FOXK1: variants seen among roughly 807,000 people sequenced by gnomAD.
FOXK1 encodes the protein forkhead box protein K1.
FOXK1 carries 19 observed loss-of-function variants against 51.9 expected under a neutral mutation model. That is an observed-to-expected ratio of 0.37 (90% CI 0.26 to 0.54). The LOEUF (loss-of-function observed/expected upper bound fraction) is 0.54. Among genes scored for constraint, FOXK1 ranks in the 20% least tolerant of loss-of-function variants. FOXK1 has a pLI of 0.87. For synonymous variants in FOXK1, 537 were observed against 482.6 expected, an observed-to-expected ratio of 1.11 and a Z score of -1.48; for missense variants, 870 against 1,032.7, an observed-to-expected ratio of 0.84 and a Z score of 2.16.
chr7:4,754,446 T>C lies in FOXK1; in HGVS notation c.747-13T>C, dbSNP rs771297993. 5 of 1,611,702 alleles carry C rather than the reference T, an allele frequency of 3.1e-6. No homozygotes were observed. Among genetic ancestry groups the C allele is most frequent in the Non-Finnish European group, 2.5e-6 (3 of 1,179,534 alleles). ...CAGAGCCATGAACTTACAGTGTCCT[T>C]CTCTCTCCTCAGTGTCCCCAACTCC... On this transcript the variant is annotated splice_polypyrimidine_tract_variant and intron_variant, in intron 2 of 8. Coordinates refer to ENST00000328914, the MANE Select transcript of FOXK1 (RefSeq NM_001037165.2).
At chr7:4,746,851 G>T (rs895366198) in intron 2 of FOXK1, among the ~76,000 whole-genome samples, 4 of 152,190 alleles carry the variant, frequency 2.6e-5, no homozygotes, top group Non-Finnish European at 5.9e-5. Context: ...TCCAGTGAGG[G>T]TCCCTCTTCC....
In FOXK1 at chr7:4,754,847, G is replaced by A. The variant is rs576844368; in HGVS notation, c.903+232G>A. The A allele has an allele frequency of 8.1e-6, 5 of 621,046 alleles. No individual in the cohort carries two copies. The African/African-American group carries it at 9.2e-5, about 11-fold the overall frequency. The allele number at this position is 621,046 out of a possible 1,614,324, so 38.5% of individuals were successfully genotyped here. A position where few individuals can be genotyped will look rare whatever the true frequency, so the allele number is the denominator to read the frequency against. On this transcript the variant is annotated intron_variant, in intron 3 of 8. Transcript: ENST00000328914. ...TGACAGGGGTGGCGCCGTCACCGAG[G>A]GCCCCTCCCGCCACGCTCCTTGTTC...
At position 4,757,366 on chromosome 7, in the gene FOXK1, G is replaced by A. The variant is rs1212103743; in HGVS notation, c.1244+179G>A. Among the ~76,000 whole-genome samples the A allele has an allele frequency of 3.3e-5, 5 of 151,890 alleles. No homozygotes were observed. The South Asian group carries it at 6.2e-4, about 19-fold the overall frequency. ...AAAGAAGGCCGGCGCGGTGGCTCAC[G>A]CCTGTAATCCCAGCACTCTGGGAGG... On this transcript the variant is annotated intron_variant, in intron 5 of 8. Coordinates refer to ENST00000328914, the MANE Select transcript of FOXK1 (RefSeq NM_001037165.2).
At chr7:4,726,851 G>A (rs890948441) in intron 1 of FOXK1, among the ~76,000 whole-genome samples, 1 of 152,240 alleles carries the variant, frequency 6.6e-6, no homozygotes, top group Admixed American at 6.5e-5. Flanking sequence ...GTTCAGAGAA[G>A]TGGGATATTT....
chr7:4,757,060 C>A lies in FOXK1; in HGVS notation c.1117C>A (p.Pro373Thr), dbSNP rs1193873636. The change falls in exon 5 of 9, where the codon CCT (proline) becomes ACT (threonine). Residue 373 changes from proline (P) to threonine (T), a missense_variant. Physicochemically the swap from Pro to Thr is conservative, Grantham distance 38. Coordinates refer to ENST00000328914, the MANE Select transcript of FOXK1 (RefSeq NM_001037165.2). The part of the protein sequence containing the change: ...FIKVPRSQEE[P>T]GKGSFWRIDP... ...CAAAGTCCCACGTTCCCAGGAGGAG[C>A]CTGGGAAGGGGTCCTTTTGGCGAAT... The A allele has an allele frequency of 1.2e-6, 2 of 1,613,752 alleles. No homozygotes were observed. Among genetic ancestry groups the A allele is most frequent in the African/African-American group, 2.7e-5 (2 of 74,898 alleles).
intron 1 of FOXK1, among the ~76,000 whole-genome samples, chr7:4,704,628 G>A (rs991138585): frequency 6.6e-6 from 1 of 152,110 alleles, no homozygotes; most frequent in African/African-American, 2.4e-5. Flanking sequence ...GCACGCAGCA[G>A]GAGGGATTGC....
chr7:4,720,490 T>G (rs907455125), intron 1 of FOXK1, among the ~76,000 whole-genome samples: 1 of 152,160 alleles, frequency 6.6e-6, no homozygotes, highest in Non-Finnish European at 1.5e-5. Context: ...TGTGAGCCCA[T>G]TCATTGAGGT....
At chr7:4,732,607 C>T (rs1019116754) in intron 1 of FOXK1, among the ~76,000 whole-genome samples, 1 of 152,142 alleles carries the variant, frequency 6.6e-6, no homozygotes, top group African/African-American at 2.4e-5. Flanking sequence ...CATGAGCCAC[C>T]GCGCCAGCCA....
At chr7:4,737,804 G>A (rs113275266) in intron 1 of FOXK1, among the ~76,000 whole-genome samples, 58 of 152,136 alleles carry the variant, frequency 3.8e-4, no homozygotes, top group Admixed American at 1.2e-3. Context: ...AAGAGCCCTT[G>A]GGTATCATAG....
At position 4,767,620 on chromosome 7, in the gene FOXK1, G is replaced by A. The variant is rs59542846; in HGVS notation, c.*5156G>A. ...GCTCTTGGAAATGAGGGTAGAATTT[G>A]AAATATAACAAATGGTCTCTCGCCC... On this transcript the variant is annotated 3_prime_UTR_variant, in exon 9 of 9. Coordinates refer to ENST00000328914, the MANE Select transcript of FOXK1 (RefSeq NM_001037165.2). This position sits in a 1 kb window ranked among gnomAD's most constrained non-coding sequence, Gnocchi z 6.6. 9,399 of 152,292 alleles carry A rather than the reference G, an allele frequency of 0.062. 530 individuals are homozygous for A. Among genetic ancestry groups the A allele is most frequent in the African/African-American group, 0.15 (6,286 of 41,530 alleles). The allele number at this position is 152,292 out of a possible 1,614,324, so 9.4% of individuals were successfully genotyped here.
Position 4,707,123 on chromosome 7 carries a change from C to A in FOXK1, c.560+24255C>A, listed in dbSNP as rs1019517212. Among the ~76,000 whole-genome samples the A allele has an allele frequency of 6.6e-6, 1 of 152,236 alleles. No individual in the cohort carries two copies. Among genetic ancestry groups the A allele is most frequent in the Admixed American group, 6.5e-5 (1 of 15,286 alleles). ...AGTCTTAGAGAAGCAGCGATGTCTC[C>A]CCTCCGGGTTTCCCATGATGTTACG... On this transcript the variant is annotated intron_variant, in intron 1 of 8. Coordinates refer to ENST00000328914, the MANE Select transcript of FOXK1 (RefSeq NM_001037165.2). This position sits in a 1 kb window ranked among gnomAD's most constrained non-coding sequence, Gnocchi z 4.1.
rs1780223567 is a variant in FOXK1, at chr7:4,715,581, A to T, written c.561-25257A>T. Among the ~76,000 whole-genome samples, 1 of 152,198 alleles carries T rather than the reference A, an allele frequency of 6.6e-6. No homozygotes were observed. The highest frequency in any genetic ancestry group is 2.4e-5 in the African/African-American group (1 of 41,458). On this transcript the variant is annotated intron_variant, in intron 1 of 8. Transcript: ENST00000328914. The surrounding 1 kb of genome is among the most constrained non-coding windows in gnomAD (Gnocchi z 4.5). ...AGAGCCAAGTTTAGAATGAATGAATAGGATATTTTGAAATGCTCTGGTGTT... is the reference window on the plus strand; with the variant it reads ...AGAGCCAAGTTTAGAATGAATGAATTGGATATTTTGAAATGCTCTGGTGTT...
At position 4,703,016 on chromosome 7, in the gene FOXK1, A is replaced by C. The variant is rs1780039453; in HGVS notation, c.560+20148A>C. ...CTCCTGGCCTGTGTCTCCACCTAAA[A>C]GGCCGTCCTCAGCTCCCCCTGCCAG... is the stretch of plus-strand genomic sequence containing the variant. On this transcript the variant is annotated intron_variant, in intron 1 of 8. Transcript: ENST00000328914. This position sits in a 1 kb window ranked among gnomAD's most constrained non-coding sequence, Gnocchi z 5.6. Among the ~76,000 whole-genome samples the C allele has an allele frequency of 6.6e-6, 1 of 152,046 alleles. No individual in the cohort carries two copies.
At chr7:4,757,243 A>C (rs1208182529) in intron 5 of FOXK1, 56 bp downstream of exon 5, 13 of 1,480,768 alleles carry the variant, frequency 8.8e-6, no homozygotes, top group South Asian at 1.3e-5. Context: ...GCTGCCCTGG[A>C]GTTTAGAGAT....
Position 4,763,078 on chromosome 7 carries a change from C to T in FOXK1, c.*614C>T, listed in dbSNP as rs1265543899. The T allele has an allele frequency of 6.5e-6, 1 of 153,774 alleles. No homozygotes were observed. The highest frequency in any genetic ancestry group is 1.5e-5 in the Non-Finnish European group (1 of 68,930). 9.5% of individuals were successfully genotyped at this position (153,774 alleles called of 1,614,324 possible). A position where few individuals can be genotyped will look rare whatever the true frequency, so the allele number is the denominator to read the frequency against. ...AACATGGAATTCAGACTTCATTGTA[C>T]ACCTGAGACAGACACAAAAGGGATC... On this transcript the variant is annotated 3_prime_UTR_variant, in exon 9 of 9. Transcript: ENST00000328914.
chr7:4,759,569 T>C lies in FOXK1; in HGVS notation c.1670T>C (p.Val557Ala), dbSNP rs1322241874. Residue 557 changes from valine to alanine, a missense_variant, in exon 7 of 9, where the codon GTG (valine) becomes GCG (alanine). Val to Ala is a moderately conservative substitution (Grantham distance 64). Around this residue, in one of 3 missense-constraint regions of FOXK1, gnomAD observed 457 missense variants for 510.8 expected, o/e 0.89. Transcript: ENST00000328914. ...GGSHDAAGAAVLDLGSEARGL... is the reference protein window; with the variant it reads ...GGSHDAAGAAALDLGSEARGL... ...TCCCATGATGCGGCGGGCGCAGCCG[T>C]GCTGGACCTGGGCAGCGAGGCCAGA... The C allele has an allele frequency of 6.5e-7, 1 of 1,538,090 alleles. No homozygotes were observed. Among genetic ancestry groups the C allele is most frequent in the East Asian group, 2.4e-5 (1 of 41,098 alleles).
Position 4,755,281 on chromosome 7 carries a change from G to T in FOXK1, c.948G>T (p.Gln316His). 6.2e-7 allele frequency: 1 copy of T among 1,614,066 alleles called. No individual in the cohort carries two copies. Among genetic ancestry groups the T allele is most frequent in the Non-Finnish European group, 8.5e-7 (1 of 1,180,040 alleles). The change falls in exon 4 of 9, where the codon CAG becomes CAT. Residue 316 changes from glutamine (Q) to histidine (H), a missense_variant. Around this residue, in one of 3 missense-constraint regions of FOXK1, gnomAD observed 399 missense variants for 475.6 expected, o/e 0.84. Coordinates refer to ENST00000328914, the MANE Select transcript of FOXK1 (RefSeq NM_001037165.2). This position sits in a 1 kb window ranked among gnomAD's most constrained non-coding sequence, Gnocchi z 6.6. The stretch of plus-strand genomic sequence containing the variant: ...TCTCCTACGCGCAGCTGATCGTGCA[G>T]GCCATCTCCTCCGCCCAGGACCGGC... ...PPFSYAQLIV[Q>H]AISSAQDRQL...
chr7:4,741,481 A>G (rs1027172243), intron 2 of FOXK1, among the ~76,000 whole-genome samples: 6 of 152,068 alleles, frequency 3.9e-5, no homozygotes, highest in Non-Finnish European at 7.4e-5. Context: ...GGCGCCTGCT[A>G]CCACGCCTGG....
chr7:4,758,903 G>C lies in FOXK1; in HGVS notation c.1245-148G>C, dbSNP rs1167113742. On this transcript the variant is annotated intron_variant, in intron 5 of 8. Transcript: ENST00000328914. The surrounding 1 kb of genome is among the most constrained non-coding windows in gnomAD (Gnocchi z 4.4). The stretch of plus-strand genomic sequence containing the variant: ...TTAAAGGCTGGGTTCAGGTTACGGG[G>C]GCGTTTCTCACCGTCTGAATGCGGA... The C allele has an allele frequency of 5.0e-6, 4 of 794,744 alleles. No individual in the cohort carries two copies. The highest frequency in any genetic ancestry group is 1.7e-5 in the African/African-American group (1 of 57,380). 49.2% of individuals were successfully genotyped at this position (794,744 alleles called of 1,614,324 possible).
Sources: gnomAD v4.1 joint callset for allele counts (sites outside exome capture counted in the v4.1 genomes callset) on GRCh38, gnomAD v4.1.1 for gene constraint, gnomAD v4.1.1 regional missense constraint, Gnocchi (gnomAD v3.1) non-coding constraint, MANE v1.5 for transcripts, NCBI Gene and HGNC (gene_info 2026-07-23, HGNC 2026-07-21) for gene names.